The following PLPPR1 variants were observed in gnomAD, a reference collection of about 807,000 sequenced individuals.
PLPPR1 encodes phospholipid phosphatase-related protein type 1.
Under a neutral mutation model 33.1 loss-of-function variants are expected in PLPPR1, and 10 were observed. The ratio of observed to expected loss-of-function variants is 0.30; its 90% confidence interval spans 0.19 to 0.51. The LOEUF (loss-of-function observed/expected upper bound fraction) is 0.51. PLPPR1 is among the 20% of genes least tolerant of loss of function. The pLI, the probability that PLPPR1 is intolerant of heterozygous loss-of-function variation, is 0.97. For missense variants in PLPPR1, 304 were observed against 408.1 expected, an observed-to-expected ratio of 0.74 and a Z score of 2.20; for synonymous variants, 151 against 151.0, an observed-to-expected ratio of 1.00 and a Z score of 0.00.
At chr9:101,035,322 CAT>C (rs1829996936) in intron 1 of PLPPR1, among the ~76,000 whole-genome samples, 1 of 152,166 alleles carries the variant, frequency 6.6e-6, no homozygotes, top group African/African-American at 2.4e-5. Context: ...GGGTTTGACT[CAT>C]AACTCTGTGT....
chr9:101,162,747 C>T (rs187935362), intron 1 of PLPPR1, among the ~76,000 whole-genome samples: 163 of 152,286 alleles, frequency 1.1e-3, no homozygotes, highest in South Asian at 4.8e-3. Context: ...TGACCCATCA[C>T]GGAGCTCTAC....
At chr9:101,124,307 C>T (rs1332864697) in intron 1 of PLPPR1, among the ~76,000 whole-genome samples, 1 of 152,230 alleles carries the variant, frequency 6.6e-6, no homozygotes, top group East Asian at 1.9e-4. Flanking sequence ...CTTCTTCATG[C>T]TGAATAGGGG....
At chr9:101,154,325 G>C (rs967762702) in intron 1 of PLPPR1, among the ~76,000 whole-genome samples, 1 of 152,122 alleles carries the variant, frequency 6.6e-6, no homozygotes, top group African/African-American at 2.4e-5. Context: ...ATTCAGCTGT[G>C]AATCCATCTG....
intron 1 of PLPPR1, among the ~76,000 whole-genome samples, chr9:101,031,529 T>C (rs1829945163): frequency 6.6e-6 from 1 of 152,140 alleles, no homozygotes; most frequent in Admixed American, 6.5e-5. Flanking sequence ...TTTCTCACCA[T>C]TCAGAAAACA....
intron 2 of PLPPR1, among the ~76,000 whole-genome samples, chr9:101,233,596 T>C (rs1827234451): frequency 6.6e-6 from 1 of 151,950 alleles, no homozygotes; most frequent in African/African-American, 2.4e-5. Context: ...ATGGGTGGGA[T>C]TGGTGCATTA....
At chr9:101,118,443 C>A (rs1831140664) in intron 1 of PLPPR1, among the ~76,000 whole-genome samples, 1 of 152,186 alleles carries the variant, frequency 6.6e-6, no homozygotes, top group South Asian at 2.1e-4. Context: ...GGAAGTGAAG[C>A]ACAGAAGATC....
intron 1 of PLPPR1, among the ~76,000 whole-genome samples, chr9:101,046,017 A>G (rs1830139023): frequency 6.6e-6 from 1 of 152,190 alleles, no homozygotes; most frequent in South Asian, 2.1e-4. Flanking sequence ...TTCTTCCAAA[A>G]TTACAGAAAT....
intron 6 of PLPPR1, among the ~76,000 whole-genome samples, chr9:101,315,618 T>C (rs16920140): frequency 0.036 from 5,502 of 152,288 alleles, 341 homozygotes; most frequent in African/African-American, 0.12. Flanking sequence ...GATGTCAAAA[T>C]TTGTTTGCCT....
At chr9:101,040,870 C>T (rs562776613) in intron 1 of PLPPR1, among the ~76,000 whole-genome samples, 2 of 152,130 alleles carry the variant, frequency 1.3e-5, no homozygotes, top group African/African-American at 4.8e-5. Context: ...AGAAGAGTAC[C>T]TGTCACACTC....
At chr9:101,060,364 A>G (rs1830330945) in intron 1 of PLPPR1, among the ~76,000 whole-genome samples, 1 of 152,024 alleles carries the variant, frequency 6.6e-6, no homozygotes, top group Non-Finnish European at 1.5e-5. Context: ...AATTTCAGTT[A>G]CACAGGAGGA....
At chr9:101,225,859 C>CA (rs937438066) in intron 2 of PLPPR1, among the ~76,000 whole-genome samples, 19 of 151,844 alleles carry the variant, frequency 1.3e-4, no homozygotes, top group African/African-American at 4.6e-4. Context: ...CCTATTTTAC[C>CA]AAACCAGTTG....
intron 2 of PLPPR1, among the ~76,000 whole-genome samples, chr9:101,243,410 G>GAGC (rs1406162776): frequency 6.6e-6 from 1 of 152,006 alleles, no homozygotes; most frequent in African/African-American, 2.4e-5. Flanking sequence ...CTGAATTAAA[G>GAGC]AGCAGCAGAT....
chr9:101,317,450 T>C lies in PLPPR1; in HGVS notation c.899T>C (p.Met300Thr), dbSNP rs1156932528. The C allele has an allele frequency of 1.9e-6, 3 of 1,614,102 alleles. No individual in the cohort carries two copies. The highest frequency in any genetic ancestry group is 2.5e-6 in the Non-Finnish European group (3 of 1,179,990). ...KPEDPRGVPLMAFPRIESPLE... is the reference protein window; with the variant it reads ...KPEDPRGVPLTAFPRIESPLE... ...GAGGATCCCCGTGGAGTACCCCTAA[T>C]GGCTTTCCCAAGGATAGAAAGCCCT... Residue 300 changes from methionine (M) to threonine (T), a missense_variant, in exon 7 of 8, where the codon ATG becomes ACG. Physicochemically the swap from Met to Thr is moderately conservative, Grantham distance 81. Transcript: ENST00000374874.
At position 101,157,198 on chromosome 9, in the gene PLPPR1, T is replaced by C. The variant is rs377437706; in HGVS notation, c.-45-28252T>C. Among the ~76,000 whole-genome samples the C allele has an allele frequency of 1.4e-4, 22 of 152,320 alleles. No individual in the cohort carries two copies. In the South Asian group the frequency reaches 4.6e-3, roughly 32 times the overall value. On this transcript the variant is annotated intron_variant, in intron 1 of 7. Transcript: ENST00000374874. ...ACTTCACCTGATTTTTCTATGTTAATGAAGATGGAAAGGAGAGAACAAATT... is the reference window on the plus strand; with the variant it reads ...ACTTCACCTGATTTTTCTATGTTAACGAAGATGGAAAGGAGAGAACAAATT...
intron 2 of PLPPR1, among the ~76,000 whole-genome samples, chr9:101,264,393 T>C (rs1827949535): frequency 1.3e-5 from 2 of 152,132 alleles, no homozygotes; most frequent in South Asian, 4.2e-4. Context: ...TCCTTCCCCA[T>C]GCATCCTCTT....
chr9:101,278,496 A>G (rs1828238111), intron 3 of PLPPR1, among the ~76,000 whole-genome samples: 1 of 152,184 alleles, frequency 6.6e-6, no homozygotes, highest in Non-Finnish European at 1.5e-5. Context: ...TGCATTGAAA[A>G]TGGTAGAAAG....
rs568058223 is a variant in PLPPR1 at position 101,178,414 on chromosome 9, G to A, written c.-45-7036G>A. Among the ~76,000 whole-genome samples the A allele has an allele frequency of 3.4e-4, 52 of 152,312 alleles. No homozygotes were observed. In the South Asian group the frequency reaches 0.01, roughly 30 times the overall value. On this transcript the variant is annotated intron_variant, in intron 1 of 7. Coordinates refer to ENST00000374874, the MANE Select transcript of PLPPR1 (RefSeq NM_207299.2). ...TCCATCATGGAAAGAGCAGAGGTTT[G>A]TCCTCACTGGAGTAGACACTTACTC...
intron 1 of PLPPR1, among the ~76,000 whole-genome samples, chr9:101,088,978 G>GAT (rs1404004684): frequency 6.6e-6 from 1 of 152,086 alleles, no homozygotes; most frequent in African/African-American, 2.4e-5. Context: ...CAAATATCTT[G>GAT]ACACCTTACA....
chr9:101,029,852 G>C (rs1476821135), intron 1 of PLPPR1, among the ~76,000 whole-genome samples: 1 of 152,244 alleles, frequency 6.6e-6, no homozygotes, highest in Non-Finnish European at 1.5e-5. Flanking sequence ...GCTGGGAGCT[G>C]AACAGGGGCT....
Sources: allele counts gnomAD v4.1 joint callset (sites outside exome capture counted in the v4.1 genomes callset), GRCh38; gene constraint gnomAD v4.1.1; transcripts MANE v1.5; gene names NCBI Gene and HGNC (gene_info 2026-07-23, HGNC 2026-07-21).